DGKD: variants seen among roughly 807,000 people sequenced by gnomAD.
DGKD encodes diacylglycerol kinase delta, also known as DAG kinase delta.
Under a neutral mutation model 154.4 loss-of-function variants are expected in DGKD, and 68 were observed. That is an observed-to-expected ratio of 0.44 (90% CI 0.36 to 0.54). The LOEUF is 0.54. Ranked by LOEUF, DGKD falls within the 20% of genes least tolerant of loss-of-function variation. The pLI, the probability that DGKD is intolerant of heterozygous loss-of-function variation, is 0.00. For missense variants in DGKD, 1,343 were observed against 1,593.6 expected (o/e 0.84, Z 2.68); for synonymous variants, 693 against 638.0 (o/e 1.09, Z -1.30).
intron 3 of DGKD, among the ~76,000 whole-genome samples, chr2:233,400,278 C>T (rs887113738): frequency 6.6e-6 from 1 of 152,256 alleles, no homozygotes; most frequent in African/African-American, 2.4e-5. Context: ...GGGTGCTCCC[C>T]ATAGCCAGGC....
In DGKD at chr2:233,457,122, G is replaced by T. The variant is rs775820956; in HGVS notation, c.2473-99G>T. On this transcript the variant is annotated intron_variant, in intron 20 of 29. Transcript: ENST00000264057. The surrounding 1 kb of genome is among the most constrained non-coding windows in gnomAD (Gnocchi z 5.5). ...ACTTGCCTGGGGATGCCCTGGCCAC[G>T]GCTGTGCTCCTGAGCCCCTGGCGGT... 2.3e-6 allele frequency: 3 copies of T among 1,311,468 alleles called. No individual in the cohort carries two copies. In the Admixed American group the frequency reaches 5.6e-5, roughly 24 times the overall value. 81.2% of individuals were successfully genotyped at this position (1,311,468 alleles called of 1,614,324 possible).
intron 3 of DGKD, among the ~76,000 whole-genome samples, chr2:233,421,864 C>G (rs1440562632): frequency 6.6e-6 from 1 of 152,220 alleles, no homozygotes; most frequent in Non-Finnish European, 1.5e-5. Flanking sequence ...TCTGTTTGCT[C>G]AAGTGAAAGA....
At chr2:233,447,594 T>C in intron 12 of DGKD, 1 of 986,540 alleles carries the variant, frequency 1.0e-6, no homozygotes, top group Non-Finnish European at 1.2e-6. Context: ...AGTAGTGAAG[T>C]TTGCGACCCT....
intron 1 of DGKD, among the ~76,000 whole-genome samples, chr2:233,380,286 G>A (rs2125416569): frequency 6.6e-6 from 1 of 152,274 alleles, no homozygotes; most frequent in South Asian, 2.1e-4. Context: ...CCTGGCCCCT[G>A]GGGACGCCAG....
chr2:233,445,718 G>A lies in DGKD; in HGVS notation c.1290G>A (p.Gln430=). Residue 430 remains glutamine (Q), a synonymous_variant, in exon 11 of 30, where the codon CAG becomes CAA. Coordinates refer to ENST00000264057, the MANE Select transcript of DGKD (RefSeq NM_152879.3). This position sits in a 1 kb window ranked among gnomAD's most constrained non-coding sequence, Gnocchi z 5.5. ...SACDDDTQLP[Q]ILEKLERAST... is the part of the protein sequence containing the mutation. The stretch of plus-strand genomic sequence containing the variant: ...GCGATGACGACACCCAGCTCCCCCA[G>A]ATCTTGGAGAAGTTGGAGAGAGCCA... The A allele has an allele frequency of 6.2e-7, 1 of 1,613,612 alleles. No individual in the cohort carries two copies. Among genetic ancestry groups the A allele is most frequent in the African/African-American group, 1.3e-5 (1 of 75,022 alleles).
chr2:233,468,686 G>C, intron 29 of DGKD, 133 bp downstream of exon 29: 1 of 1,408,230 alleles, frequency 7.1e-7, no homozygotes, highest in Admixed American at 2.2e-5. Flanking sequence ...TACCTCAGGT[G>C]GGGGCGGCTG....
chr2:233,461,475 G>A (rs905069187), intron 24 of DGKD, among the ~76,000 whole-genome samples: 1 of 152,260 alleles, frequency 6.6e-6, no homozygotes, highest in African/African-American at 2.4e-5. Context: ...CATACCGGCT[G>A]CAGTCCTTCC....
intron 1 of DGKD, among the ~76,000 whole-genome samples, chr2:233,364,924 A>G (rs1701951528): frequency 2.0e-5 from 3 of 152,216 alleles, no homozygotes; most frequent in Admixed American, 6.5e-5. Context: ...AAAGAATAGG[A>G]AAAGATACTA....
At chr2:233,432,236 A>C (rs1184507684) in intron 3 of DGKD, among the ~76,000 whole-genome samples, 2 of 95,224 alleles carry the variant, frequency 2.1e-5, no homozygotes, top group Admixed American at 1.1e-4. Flanking sequence ...TTAAAAATAC[A>C]AAAAATTAGC....
At position 233,467,159 on chromosome 2, in the gene DGKD, A is replaced by C; in HGVS notation, c.3380A>C (p.Lys1127Thr). The C allele has an allele frequency of 6.2e-7, 1 of 1,614,210 alleles. No individual in the cohort carries two copies. Among genetic ancestry groups the C allele is most frequent in the Non-Finnish European group, 8.5e-7 (1 of 1,180,038 alleles). Reference sequence around the variant, plus strand: ...CTCGTGACCAAGTTTAAAAAGGAGAAAAACAACAAGAACAAAGAAGCTCAC... The same window carrying C: ...CTCGTGACCAAGTTTAAAAAGGAGACAAACAACAAGAACAAAGAAGCTCAC... ...FRLVTKFKKE[K>T]NNKNKEAHSS... The change falls in exon 28 of 30, where the codon AAA (lysine) becomes ACA (threonine). Residue 1127 changes from lysine to threonine, a missense_variant. By Grantham distance (78) the Lys-to-Thr change is moderately conservative (BLOSUM62 -1). Transcript: ENST00000264057.
At chr2:233,466,688 T>C (rs1289375848) in intron 27 of DGKD, among the ~76,000 whole-genome samples, 4 of 152,186 alleles carry the variant, frequency 2.6e-5, no homozygotes, top group African/African-American at 7.2e-5. Flanking sequence ...AGAGTTTTCA[T>C]TAGACAGATA....
At chr2:233,451,485 A>T (rs1181968869) in intron 17 of DGKD, among the ~76,000 whole-genome samples, 1 of 152,130 alleles carries the variant, frequency 6.6e-6, no homozygotes, top group African/African-American at 2.4e-5. Flanking sequence ...AGGCAGCCTT[A>T]TAAAGCCTTA....
intron 19 of DGKD, 100 bp from the exon 20 acceptor site, chr2:233,456,798 AT>A: frequency 1.2e-6 from 1 of 852,582 alleles, no homozygotes; most frequent in Non-Finnish European, 1.9e-6. Context: ...AATGTAGCTG[AT>A]TTGTGGGTCA....
Position 233,451,434 on chromosome 2 carries a change from C to T in DGKD, c.2167+384C>T, listed in dbSNP as rs1042316464. Among the ~76,000 whole-genome samples, 4 of 152,120 alleles carry T rather than the reference C, an allele frequency of 2.6e-5. No homozygotes were observed. In the East Asian group the frequency reaches 7.7e-4, roughly 29 times the overall value. The stretch of plus-strand genomic sequence containing the variant: ...GCAGGAGGCGCAGGGAGGGTGAGGT[C>T]CTGGCCGCCTGGAGCATTCCTTGAT... On this transcript the variant is annotated intron_variant, in intron 17 of 29. Coordinates refer to ENST00000264057, the MANE Select transcript of DGKD (RefSeq NM_152879.3).
At position 233,445,665 on chromosome 2, in the gene DGKD, G is replaced by C. The variant is rs1368243808; in HGVS notation, c.1237G>C (p.Ala413Pro). ...GCCGCTCGGCACAGGGAACGACTTG[G>C]CCCGAGTACTGGGCTGGGGCTCAGC... ...VLPLGTGNDL[A>P]RVLGWGSACD... The change falls in exon 11 of 30, where the codon GCC (alanine) becomes CCC (proline). Residue 413 changes from alanine (A) to proline (P), a missense_variant. Transcript: ENST00000264057. This position sits in a 1 kb window ranked among gnomAD's most constrained non-coding sequence, Gnocchi z 5.5. 2 of 1,613,424 alleles carry C rather than the reference G, an allele frequency of 1.2e-6. No individual in the cohort carries two copies. Among genetic ancestry groups the C allele is most frequent in the Non-Finnish European group, 1.7e-6 (2 of 1,179,690 alleles).
At position 233,469,780 on chromosome 2, in the gene DGKD, G is replaced by T; in HGVS notation, c.*320G>T. The stretch of plus-strand genomic sequence containing the variant: ...GCTGTGGGCCAGGGAATCCAGCGGC[G>T]TCTGGCCTCCTGGGCACTGCTTGCC... On this transcript the variant is annotated 3_prime_UTR_variant, in exon 30 of 30. Transcript: ENST00000264057. 1 of 310,438 alleles carries T rather than the reference G, an allele frequency of 3.2e-6. No homozygotes were observed. Among genetic ancestry groups the T allele is most frequent in the Non-Finnish European group, 6.1e-6 (1 of 164,784 alleles). The allele number at this position is 310,438 out of a possible 1,614,324, so 19.2% of individuals were successfully genotyped here.
In DGKD at chr2:233,382,268, T is replaced by C. The variant is rs1041129485; in HGVS notation, c.157-5989T>C. 1.3e-5 allele frequency among the ~76,000 whole-genome samples: 2 copies of C among 152,156 alleles called. 1 individual carries two copies. The highest frequency in any genetic ancestry group is 4.1e-4 in the South Asian group (2 of 4,832). ...ACAAACAAAGAGATATGCAAATTGA[T>C]AGAAATAAGTTTACCAGCTTCTTTC... On this transcript the variant is annotated intron_variant, in intron 1 of 29. Coordinates refer to ENST00000264057, the MANE Select transcript of DGKD (RefSeq NM_152879.3).
rs1553637127 is a variant in DGKD, at chr2:233,438,755, C to CATCCATCT, written c.1085+379_1085+380insCATCTATC. ...ATTTTTTATTTATCTGTCTATCTAT[C>CATCCATCT]ATCTATCTATCTATCTATCTATCTA... On this transcript the variant is annotated intron_variant, in intron 9 of 29. Coordinates refer to ENST00000264057, the MANE Select transcript of DGKD (RefSeq NM_152879.3). This position sits in a 1 kb window ranked among gnomAD's most constrained non-coding sequence, Gnocchi z 4.1. Among the ~76,000 whole-genome samples the CATCCATCT allele has an allele frequency of 1.5e-5, 2 of 132,294 alleles. No individual in the cohort carries two copies. Among genetic ancestry groups the CATCCATCT allele is most frequent in the African/African-American group, 6.1e-5 (2 of 32,668 alleles). The allele number at this position is 132,294 out of a possible 152,430, so 86.8% of individuals were successfully genotyped here. A position where few individuals can be genotyped will look rare whatever the true frequency, so the allele number is the denominator to read the frequency against.
chr2:233,361,438 G>A (rs1211191287), intron 1 of DGKD, among the ~76,000 whole-genome samples: 1 of 152,116 alleles, frequency 6.6e-6, no homozygotes, highest in African/African-American at 2.4e-5. Flanking sequence ...CTGTTTGTAC[G>A]TTCATGATTG....
Sources: gnomAD v4.1 joint callset for allele counts (sites outside exome capture counted in the v4.1 genomes callset) on GRCh38, gnomAD v4.1.1 for gene constraint, Gnocchi (gnomAD v3.1) non-coding constraint, MANE v1.5 for transcripts, NCBI Gene and HGNC (gene_info 2026-07-23, HGNC 2026-07-21) for gene names.